Variants in MED27 observed in about 807,000 individuals in gnomAD.
MED27 encodes mediator of RNA polymerase II transcription subunit 27.
A neutral mutation model predicts 38.2 loss-of-function variants in MED27; 30 were observed. The observed-to-expected ratio is 0.79, with a 90% confidence interval of 0.59 to 1.07. MED27 has a LOEUF of 1.07. Among genes scored for constraint, MED27 ranks in the 50% least tolerant of loss-of-function variants. The pLI is 0.00. For missense variants in MED27, 289 were observed against 397.5 expected, an observed-to-expected ratio of 0.73 and a Z score of 2.32; for synonymous variants, 122 against 153.5, an observed-to-expected ratio of 0.79 and a Z score of 1.52.
intron 4 of MED27, among the ~76,000 whole-genome samples, chr9:131,925,513 T>G (rs1830467748): frequency 6.6e-6 from 1 of 152,216 alleles, no homozygotes; most frequent in South Asian, 2.1e-4. Context: ...TTAGTATATA[T>G]TCTGATAATG....
chr9:131,884,232 G>A, intron 5 of MED27, 133 bp from the exon 6 acceptor site: 2 of 582,924 alleles, frequency 3.4e-6, no homozygotes, highest in Non-Finnish European at 2.8e-6. Flanking sequence ...AGGATCTCAG[G>A]GTTGAAAAGG....
chr9:132,015,545 T>G (rs1832582437), intron 2 of MED27, among the ~76,000 whole-genome samples: 1 of 152,194 alleles, frequency 6.6e-6, no homozygotes, highest in Admixed American at 6.5e-5. Context: ...CAAATGTATA[T>G]ACCTGTATAA....
At chr9:132,041,002 A>G (rs1174172449) in intron 2 of MED27, among the ~76,000 whole-genome samples, 1 of 152,228 alleles carries the variant, frequency 6.6e-6, no homozygotes, top group Non-Finnish European at 1.5e-5. Flanking sequence ...TTTATCTGGA[A>G]GCAGTGCAAC....
At chr9:131,999,611 G>C (rs1466434858) in intron 3 of MED27, among the ~76,000 whole-genome samples, 1 of 152,108 alleles carries the variant, frequency 6.6e-6, no homozygotes, top group Non-Finnish European at 1.5e-5. Context: ...GTAGATATTA[G>C]ATTTTATTTA....
chr9:132,016,025 T>C (rs775741375), intron 2 of MED27, among the ~76,000 whole-genome samples: 70 of 152,230 alleles, frequency 4.6e-4, no homozygotes, highest in Non-Finnish European at 9.6e-4. Flanking sequence ...CTTCTCAAAA[T>C]GCTCTTCCAA....
chr9:131,987,030 T>A (rs1016546427), intron 3 of MED27, among the ~76,000 whole-genome samples: 4 of 137,104 alleles, frequency 2.9e-5, no homozygotes, highest in Non-Finnish European at 4.6e-5. Flanking sequence ...TTTTTTTTTT[T>A]AGAATACTAC....
At chr9:131,990,408 A>C (rs1014379256) in intron 3 of MED27, among the ~76,000 whole-genome samples, 1 of 152,190 alleles carries the variant, frequency 6.6e-6, no homozygotes, top group Non-Finnish European at 1.5e-5. Flanking sequence ...TGGGGTCCTG[A>C]AATTGCACAC....
chr9:131,887,626 G>C (rs1243645684), intron 5 of MED27, among the ~76,000 whole-genome samples: 2 of 152,162 alleles, frequency 1.3e-5, no homozygotes, highest in African/African-American at 4.8e-5. Flanking sequence ...ATTAGCTTCA[G>C]CTTATTTACT....
chr9:131,897,086 T>C (rs1829844474), intron 4 of MED27, among the ~76,000 whole-genome samples: 1 of 152,292 alleles, frequency 6.6e-6, no homozygotes, highest in Non-Finnish European at 1.5e-5. Flanking sequence ...TGTTCCATAC[T>C]GCTATATAGT....
At chr9:131,911,419 A>G (rs1447167974) in intron 4 of MED27, among the ~76,000 whole-genome samples, 2 of 152,190 alleles carry the variant, frequency 1.3e-5, no homozygotes, top group African/African-American at 2.4e-5. Flanking sequence ...GCTTGGTTCC[A>G]TGGTAGCAGA....
In MED27 at chr9:132,078,735, C is replaced by T. The variant is rs118092139; in HGVS notation, c.203+907G>A. Reference sequence around the variant, plus strand: ...GGATGACTAGCTCACCAAATGCTTTCCCCTACTCAGGTCAGTTCTGAGAAG... The same window carrying T: ...GGATGACTAGCTCACCAAATGCTTTTCCCTACTCAGGTCAGTTCTGAGAAG... On this transcript the variant is annotated intron_variant, in intron 1 of 7. Transcript: ENST00000292035. Among the ~76,000 whole-genome samples, 9 of 152,292 alleles carry T rather than the reference C, an allele frequency of 5.9e-5. No homozygotes were observed. The East Asian group carries it at 1.7e-3, about 29-fold the overall frequency.
At position 131,881,594 on chromosome 9, in the gene MED27, A is replaced by C. The variant is rs561286215; in HGVS notation, c.723+2464T>G. On this transcript the variant is annotated intron_variant, in intron 6 of 7. Coordinates refer to ENST00000292035, the MANE Select transcript of MED27 (RefSeq NM_004269.4). ...AGTTTTAGATTTACAGAAAAGCTGC[A>C]AAGATGCAATAGACAGTTCCCATGT... is the stretch of plus-strand genomic sequence containing the variant. 2.6e-5 allele frequency among the ~76,000 whole-genome samples: 4 copies of C among 152,348 alleles called. No individual in the cohort carries two copies. The South Asian group carries it at 8.3e-4, about 32-fold the overall frequency.
Position 131,885,425 on chromosome 9 carries a change from G to A in MED27, c.682-1326C>T, listed in dbSNP as rs72761676. Among the ~76,000 whole-genome samples, 767 of 152,272 alleles carry A rather than the reference G, an allele frequency of 5.0e-3. 3 individuals carry two copies. The highest frequency in any genetic ancestry group is 8.8e-3 in the Non-Finnish European group (596 of 68,016). On this transcript the variant is annotated intron_variant, in intron 5 of 7. Coordinates refer to ENST00000292035, the MANE Select transcript of MED27 (RefSeq NM_004269.4). ...TCCTCCCCTAGAGTATTGAATCAAT[G>A]GCTGGAGCGGGCCCAAGAGCCTGTT...
chr9:131,959,494 G>C (rs543310358), intron 3 of MED27, among the ~76,000 whole-genome samples: 1 of 152,254 alleles, frequency 6.6e-6, no homozygotes, highest in African/African-American at 2.4e-5. Flanking sequence ...GAAAAGTCTA[G>C]ATTCCATCCT....
At chr9:132,006,590 A>T (rs1459594893) in intron 3 of MED27, among the ~76,000 whole-genome samples, 2 of 152,280 alleles carry the variant, frequency 1.3e-5, no homozygotes, top group South Asian at 4.1e-4. Context: ...TGGTGTCTAT[A>T]GCCAGGTTTT....
intron 2 of MED27, among the ~76,000 whole-genome samples, chr9:132,054,027 G>C (rs986325280): frequency 6.6e-6 from 1 of 151,882 alleles, no homozygotes; most frequent in Admixed American, 6.6e-5. Context: ...AAGATATCAA[G>C]TAATCAAAAC....
chr9:132,041,632 A>C (rs1833214499), intron 2 of MED27, among the ~76,000 whole-genome samples: 1 of 152,248 alleles, frequency 6.6e-6, no homozygotes, highest in Admixed American at 6.5e-5. Flanking sequence ...CTCGACTGAA[A>C]GATGGACAGT....
chr9:132,049,725 G>A (rs548950884), intron 2 of MED27, among the ~76,000 whole-genome samples: 3 of 152,236 alleles, frequency 2.0e-5, no homozygotes, highest in Admixed American at 6.5e-5. Flanking sequence ...TGAGCACTCC[G>A]AAGCTGCACA....
chr9:132,075,596 C>G (rs1204338465), intron 2 of MED27, among the ~76,000 whole-genome samples: 1 of 152,184 alleles, frequency 6.6e-6, no homozygotes, highest in East Asian at 1.9e-4. Flanking sequence ...AATAGTAGAA[C>G]AATTCAGTGA....
Sources: gnomAD v4.1 joint callset for allele counts (sites outside exome capture counted in the v4.1 genomes callset) on GRCh38, gnomAD v4.1.1 for gene constraint, MANE v1.5 for transcripts, NCBI Gene and HGNC (gene_info 2026-07-23, HGNC 2026-07-21) for gene names.